The following COL24A1 variants were observed in gnomAD, a reference collection of about 807,000 sequenced individuals.
COL24A1 encodes the protein collagen type XXIV alpha 1 chain, also known as collagen alpha-1(XXIV) chain.
Under a neutral mutation model 253.9 loss-of-function variants are expected in COL24A1, and 224 were observed. The ratio of observed to expected loss-of-function variants is 0.88; its 90% CI spans 0.79 to 0.99. COL24A1 has a LOEUF of 0.99. COL24A1 is among the 50% of genes least tolerant of loss of function. COL24A1 has a pLI of 0.00. For synonymous variants in COL24A1, 685 were observed against 673.7 expected, an observed-to-expected ratio of 1.02 and a Z score of -0.26; for missense variants, 2,131 against 2,068.5, an observed-to-expected ratio of 1.03 and a Z score of -0.59.
chr1:85,787,733 T>C (rs1313807930), intron 47 of COL24A1, among the ~76,000 whole-genome samples: 2 of 152,224 alleles, frequency 1.3e-5, no homozygotes, highest in African/African-American at 4.8e-5. Flanking sequence ...TACCCAGTAA[T>C]GGGATTACTG....
rs542022534 is a variant in COL24A1, at chr1:86,024,481, T to C, written c.2050-1474A>G. Among the ~76,000 whole-genome samples the C allele has an allele frequency of 4.6e-5, 7 of 152,304 alleles. No homozygotes were observed. The South Asian group carries it at 1.0e-3, about 23-fold the overall frequency. Reference sequence around the variant, plus strand: ...CAGCATTTCTAATTGTCTACATTTATATAATACAAATTTCAGAATGGAAAA... The same window carrying C: ...CAGCATTTCTAATTGTCTACATTTACATAATACAAATTTCAGAATGGAAAA... On this transcript the variant is annotated intron_variant, in intron 14 of 59. Transcript: ENST00000370571.
At chr1:86,122,591 T>A (rs1647543651) in intron 3 of COL24A1, among the ~76,000 whole-genome samples, 1 of 152,026 alleles carries the variant, frequency 6.6e-6, no homozygotes, top group Non-Finnish European at 1.5e-5. Flanking sequence ...TCCCTCTTAA[T>A]TACAGTTTTT....
rs181462728 is a variant in COL24A1 at position 85,911,971 on chromosome 1, T to C, written c.2563-538A>G. ...TGCCCTCTTGAGGCAAAAAGTCTCA[T>C]AACAGGGAGACAAAAGCAACTAAAT... On this transcript the variant is annotated intron_variant, in intron 24 of 59. Transcript: ENST00000370571. 2.1e-3 allele frequency among the ~76,000 whole-genome samples: 313 copies of C among 152,206 alleles called. 10 individuals are homozygous for C. In the South Asian group the frequency reaches 0.052, roughly 25 times the overall value.
At chr1:85,823,019 C>T (rs1336898680) in intron 45 of COL24A1, among the ~76,000 whole-genome samples, 1 of 152,170 alleles carries the variant, frequency 6.6e-6, no homozygotes, top group South Asian at 2.1e-4. Flanking sequence ...TTCCTACTTG[C>T]CCATGCTATA....
intron 24 of COL24A1, among the ~76,000 whole-genome samples, chr1:85,953,474 G>A (rs1690130002): frequency 6.6e-6 from 1 of 152,162 alleles, no homozygotes; most frequent in African/African-American, 2.4e-5. Flanking sequence ...GCAAAATTAT[G>A]TGTATAATTC....
At chr1:85,768,581 T>G (rs1667618244) in intron 53 of COL24A1, among the ~76,000 whole-genome samples, 1 of 34,046 alleles carries the variant, frequency 2.9e-5, no homozygotes, top group Non-Finnish European at 1.1e-4. Context: ...TGTTAGTTCT[T>G]TTGTGCGGGG....
chr1:85,849,068 C>T (rs1386758532), intron 38 of COL24A1, among the ~76,000 whole-genome samples: 1 of 152,098 alleles, frequency 6.6e-6, no homozygotes, highest in African/African-American at 2.4e-5. Context: ...TATCTTTCTT[C>T]TTGCCCATGG....
At chr1:86,042,529 T>C (rs986826020) in intron 12 of COL24A1, among the ~76,000 whole-genome samples, 1 of 152,130 alleles carries the variant, frequency 6.6e-6, no homozygotes, top group African/African-American at 2.4e-5. Context: ...TAATAAATAA[T>C]TTTCTCTTTT....
At chr1:86,147,017 T>C (rs1452319471) in intron 1 of COL24A1, among the ~76,000 whole-genome samples, 1 of 152,140 alleles carries the variant, frequency 6.6e-6, no homozygotes, top group Non-Finnish European at 1.5e-5. Flanking sequence ...CATTACCTAA[T>C]TTTGCTAATA....
At position 86,125,537 on chromosome 1, in the gene COL24A1, G is replaced by A; in HGVS notation, c.799C>T (p.His267Tyr). 2.5e-6 allele frequency: 4 copies of A among 1,613,620 alleles called. No homozygotes were observed. The highest frequency in any genetic ancestry group is 3.4e-6 in the Non-Finnish European group (4 of 1,179,756). Residue 267 changes from histidine to tyrosine, a missense_variant, in exon 3 of 60, where the codon CAC (histidine) becomes TAC (tyrosine). Physicochemically the swap from His to Tyr is moderately conservative, Grantham distance 83. Transcript: ENST00000370571. Reference protein sequence around the residue: ...TTLIPTKIPEHSPPPKLFAEK... With the variant: ...TTLIPTKIPEYSPPPKLFAEK... ...GCAAATAGTTTGGGCGGGGGAGAGTGTTCCGGTATCTTTGTTGGTATGAGA... is the reference window on the plus strand; with the variant it reads ...GCAAATAGTTTGGGCGGGGGAGAGTATTCCGGTATCTTTGTTGGTATGAGA...
intron 7 of COL24A1, among the ~76,000 whole-genome samples, chr1:86,088,310 G>A (rs1703224906): frequency 6.6e-6 from 1 of 152,066 alleles, no homozygotes; most frequent in African/African-American, 2.4e-5. Flanking sequence ...AAAGGAATAT[G>A]GAACACTAAG....
At position 86,156,500 on chromosome 1, in the gene COL24A1, A is replaced by G. The variant is rs576652391; in HGVS notation, c.-104T>C. ...TCCATGAAAAAGGGAAAAAACAATC[A>G]CATGAAAACCATGCTTCAAACCCGC... On this transcript the variant is annotated 5_prime_UTR_variant, in exon 1 of 60. The change abolishes the stop of an existing upstream ORF in the 5' untranslated region. Coordinates refer to ENST00000370571, the MANE Select transcript of COL24A1 (RefSeq NM_152890.7). 1.9e-6 allele frequency: 2 copies of G among 1,048,228 alleles called. No individual in the cohort carries two copies. The highest frequency in any genetic ancestry group is 3.3e-5 in the African/African-American group (2 of 60,800). 64.9% of individuals were successfully genotyped at this position (1,048,228 alleles called of 1,614,324 possible).
intron 19 of COL24A1, among the ~76,000 whole-genome samples, chr1:85,991,905 T>A (rs568256347): frequency 4.4e-4 from 66 of 151,590 alleles, no homozygotes; most frequent in African/African-American, 1.4e-3. Context: ...TTATTTATTT[T>A]ATTATTTTAT....
At chr1:85,896,235 T>C (rs1402858789) in intron 29 of COL24A1, 121 bp downstream of exon 29, 5 of 1,210,298 alleles carry the variant, frequency 4.1e-6, no homozygotes, top group Admixed American at 2.2e-5. Flanking sequence ...GTTTCATACT[T>C]AGACAAAGAG....
intron 24 of COL24A1, among the ~76,000 whole-genome samples, chr1:85,942,105 T>A (rs146683777): frequency 5.3e-5 from 8 of 152,308 alleles, no homozygotes; most frequent in African/African-American, 1.9e-4. Flanking sequence ...GGGAAAAAGA[T>A]GTTTTCAAGA....
chr1:85,947,002 G>A (rs1018953890), intron 24 of COL24A1, among the ~76,000 whole-genome samples: 5 of 152,126 alleles, frequency 3.3e-5, no homozygotes, highest in Admixed American at 6.5e-5. Context: ...TCTGAGTTTC[G>A]AAACCTTAGG....
intron 7 of COL24A1, among the ~76,000 whole-genome samples, chr1:86,084,658 T>C (rs1702922479): frequency 6.6e-6 from 1 of 152,226 alleles, no homozygotes; most frequent in Non-Finnish European, 1.5e-5. Context: ...TTCTGGAAAC[T>C]GAAATATTTT....
At chr1:85,819,848 C>CTTT (rs550894402) in intron 45 of COL24A1, among the ~76,000 whole-genome samples, 2 of 135,882 alleles carry the variant, frequency 1.5e-5, no homozygotes, top group African/African-American at 2.7e-5. Flanking sequence ...TTCTCTTTTC[C>CTTT]TTTTTTTTTT....
At chr1:85,741,105 T>G (rs1325865453) in intron 57 of COL24A1, among the ~76,000 whole-genome samples, 1 of 142,810 alleles carries the variant, frequency 7.0e-6, no homozygotes, top group Non-Finnish European at 1.5e-5. Flanking sequence ...GGCACAGGGG[T>G]GAAACTCTGC....
Sources: allele counts gnomAD v4.1 joint callset (sites outside exome capture counted in the v4.1 genomes callset), GRCh38; gene constraint gnomAD v4.1.1; transcripts MANE v1.5; gene names NCBI Gene and HGNC (gene_info 2026-07-23, HGNC 2026-07-21).